ITPR2: variants seen among roughly 807,000 people sequenced by gnomAD.
The protein encoded by ITPR2 is inositol 1,4,5-trisphosphate-gated calcium channel ITPR2.
Under a neutral mutation model 317.1 loss-of-function variants are expected in ITPR2, and 207 were observed. That is an observed-to-expected ratio of 0.65 (90% CI 0.58 to 0.73). ITPR2 has a LOEUF of 0.73. Among genes scored for constraint, ITPR2 ranks in the 30% least tolerant of loss-of-function variants. The pLI, the probability that ITPR2 is intolerant of heterozygous loss-of-function variation, is 0.00. For synonymous variants in ITPR2, 1,156 were observed against 1,149.1 expected (o/e 1.01, Z -0.12); for missense variants, 2,613 against 3,284.0 (o/e 0.80, Z 4.99).
chr12:26,570,847 C>T lies in ITPR2; in HGVS notation c.4630+7866G>A, dbSNP rs900263632. Among the ~76,000 whole-genome samples the T allele has an allele frequency of 1.1e-4, 17 of 152,136 alleles. 1 individual carries two copies. Among genetic ancestry groups the T allele is most frequent in the South Asian group, 6.2e-4 (3 of 4,830 alleles). On this transcript the variant is annotated intron_variant, in intron 34 of 56. Coordinates refer to ENST00000381340, the MANE Select transcript of ITPR2 (RefSeq NM_002223.4). ...ATTGACCAAGTGCATTAAAAAAATT[C>T]GCATAGCCTTAATGCCCTGAACGTT...
chr12:26,816,245 T>C (rs577440714), intron 1 of ITPR2, among the ~76,000 whole-genome samples: 3 of 152,204 alleles, frequency 2.0e-5, no homozygotes, highest in African/African-American at 7.2e-5. Context: ...ATATAAATAA[T>C]AATAGCTTCC....
chr12:26,600,135 T>C (rs1253529244), intron 28 of ITPR2, 26 bp from the exon 29 acceptor site: 1 of 1,592,756 alleles, frequency 6.3e-7, no homozygotes, highest in Admixed American at 1.7e-5. Flanking sequence ...TAGCACATGA[T>C]AGAAACAAAC....
At chr12:26,794,712 C>T (rs1950400866) in intron 1 of ITPR2, among the ~76,000 whole-genome samples, 1 of 152,218 alleles carries the variant, frequency 6.6e-6, no homozygotes, top group African/African-American at 2.4e-5. Context: ...ACATACTGCT[C>T]TATATGTTTA....
At chr12:26,718,295 T>C (rs764583006) in intron 5 of ITPR2, among the ~76,000 whole-genome samples, 44 of 152,068 alleles carry the variant, frequency 2.9e-4, no homozygotes, top group Non-Finnish European at 5.1e-4. Context: ...ACAACTGGAT[T>C]TGGTTTACTA....
intron 38 of ITPR2, among the ~76,000 whole-genome samples, chr12:26,494,771 G>GAAA (rs71069245): frequency 0.063 from 3,174 of 50,320 alleles, 602 homozygotes; most frequent in African/African-American, 0.13. Context: ...CTCTGCCTCA[G>GAAA]AAAAAAAAAA....
chr12:26,412,583 T>C (rs1038226803), intron 51 of ITPR2, among the ~76,000 whole-genome samples: 17 of 152,230 alleles, frequency 1.1e-4, no homozygotes, highest in African/African-American at 4.1e-4. Flanking sequence ...TAGAGAGATA[T>C]AGACACAATT....
In ITPR2 at chr12:26,551,788, G is replaced by A. The variant is rs190058922; in HGVS notation, c.4965-1433C>T. On this transcript the variant is annotated intron_variant, in intron 36 of 56. Transcript: ENST00000381340. Reference sequence around the variant, plus strand: ...ACAGGACAGAGGCAGAAACCTGGCCGGCATGTCCAGGAAATGAGAAGCATG... The same window carrying A: ...ACAGGACAGAGGCAGAAACCTGGCCAGCATGTCCAGGAAATGAGAAGCATG... Among the ~76,000 whole-genome samples the A allele has an allele frequency of 4.1e-3, 624 of 152,302 alleles. 4 individuals carry two copies. The highest frequency in any genetic ancestry group is 7.7e-3 in the Admixed American group (118 of 15,300).
intron 2 of ITPR2, among the ~76,000 whole-genome samples, chr12:26,763,190 A>G (rs551912543): frequency 3.9e-4 from 60 of 152,098 alleles, no homozygotes; most frequent in Non-Finnish European, 7.5e-4. Flanking sequence ...CATTTAATCA[A>G]TTCATAATGT....
In ITPR2 at chr12:26,338,142, C is replaced by T. The variant is rs1937980763; in HGVS notation, c.*1255G>A. The T allele has an allele frequency of 6.6e-6, 1 of 152,344 alleles. No individual in the cohort carries two copies. The highest frequency in any genetic ancestry group is 1.5e-5 in the Non-Finnish European group (1 of 68,040). 9.4% of individuals were successfully genotyped at this position (152,344 alleles called of 1,614,324 possible). A position where few individuals can be genotyped will look rare whatever the true frequency, so the allele number is the denominator to read the frequency against. ...AGTGTCTTCACTCCCTGTCACATCACTTTTTTCCCAACACTTTCATTATCC... is the reference window on the plus strand; with the variant it reads ...AGTGTCTTCACTCCCTGTCACATCATTTTTTTCCCAACACTTTCATTATCC... On this transcript the variant is annotated 3_prime_UTR_variant, in exon 57 of 57. Transcript: ENST00000381340.
At chr12:26,696,197 A>T (rs1197929381) in intron 9 of ITPR2, among the ~76,000 whole-genome samples, 2 of 152,178 alleles carry the variant, frequency 1.3e-5, no homozygotes, top group Non-Finnish European at 2.9e-5. Flanking sequence ...TCTGATGACA[A>T]AGATGAGTTC....
At chr12:26,657,608 T>C (rs981463637) in intron 18 of ITPR2, 99 bp downstream of exon 18, 3 of 903,948 alleles carry the variant, frequency 3.3e-6, no homozygotes, top group African/African-American at 3.3e-5. Context: ...ACTTTTAAAA[T>C]TGCCTCTTCA....
At chr12:26,719,726 T>C (rs1948801476) in intron 5 of ITPR2, among the ~76,000 whole-genome samples, 1 of 152,110 alleles carries the variant, frequency 6.6e-6, no homozygotes, top group African/African-American at 2.4e-5. Flanking sequence ...TAGCATTAGG[T>C]ATATCTCCTA....
chr12:26,475,301 G>A lies in ITPR2; in HGVS notation c.6337C>T (p.His2113Tyr). 2 of 1,613,784 alleles carry A rather than the reference G, an allele frequency of 1.2e-6. No homozygotes were observed. The highest frequency in any genetic ancestry group is 1.7e-6 in the Non-Finnish European group (2 of 1,179,892). ...AAAGATATAAAATGTGACACCTGAT[G>A]GGCCAGAATATAGATATTGTGTCCA... ...DVGHNIYILA[H>Y]QLARHNKLLQ... is the part of the protein sequence containing the mutation. Residue 2113 changes from histidine (H) to tyrosine (Y), a missense_variant, in exon 45 of 57, where the codon CAT (histidine) becomes TAT (tyrosine). His to Tyr is a moderately conservative substitution (Grantham distance 83). Transcript: ENST00000381340.
intron 2 of ITPR2, among the ~76,000 whole-genome samples, chr12:26,771,705 A>G (rs1034571434): frequency 8.6e-5 from 13 of 151,902 alleles, no homozygotes; most frequent in African/African-American, 2.7e-4. Context: ...TTGTAGAGAC[A>G]GGGTTTCACT....
At chr12:26,638,047 T>A (rs1328401360) in intron 21 of ITPR2, among the ~76,000 whole-genome samples, 1 of 152,212 alleles carries the variant, frequency 6.6e-6, no homozygotes, top group African/African-American at 2.4e-5. Flanking sequence ...CCATCTTTTA[T>A]TGAATATCAA....
chr12:26,816,552 G>A (rs891269594), intron 1 of ITPR2, among the ~76,000 whole-genome samples: 4 of 152,158 alleles, frequency 2.6e-5, no homozygotes, highest in Admixed American at 2.6e-4. Flanking sequence ...GACAGACATC[G>A]TGAAAGACCT....
intron 34 of ITPR2, among the ~76,000 whole-genome samples, chr12:26,566,242 G>A (rs1466244491): frequency 7.9e-6 from 1 of 126,714 alleles, no homozygotes; most frequent in Admixed American, 7.7e-5. Context: ...GAGGAAAGAG[G>A]AGAGGTGAGA....
At chr12:26,388,595 AG>A (rs1295912683) in intron 54 of ITPR2, among the ~76,000 whole-genome samples, 4 of 151,388 alleles carry the variant, frequency 2.6e-5, no homozygotes, top group African/African-American at 9.7e-5. Flanking sequence ...CTGGGACTAC[AG>A]GCATGCACCA....
intron 2 of ITPR2, among the ~76,000 whole-genome samples, chr12:26,775,959 T>TATATATATATATATACACA (rs1263788006): frequency 9.6e-5 from 14 of 145,154 alleles, no homozygotes; most frequent in South Asian, 2.2e-4. Flanking sequence ...TATATGTATA[T>TATATATATATATATACACA]CCTATTAGTT....
Sources: gnomAD v4.1 joint callset for allele counts (sites outside exome capture counted in the v4.1 genomes callset) on GRCh38, gnomAD v4.1.1 for gene constraint, MANE v1.5 for transcripts, NCBI Gene and HGNC (gene_info 2026-07-23, HGNC 2026-07-21) for gene names.